NRF1: variants seen among roughly 807,000 people sequenced by gnomAD.
NRF1 encodes the protein nuclear respiratory factor 1.
A neutral mutation model predicts 58.5 loss-of-function variants in NRF1; 5 were observed. The ratio of observed to expected loss-of-function variants is 0.09; its 90% confidence interval spans 0.04 to 0.18. The LOEUF (loss-of-function observed/expected upper bound fraction) is 0.18, where lower values mean the gene tolerates loss of function less well. Ranked by LOEUF, NRF1 falls within the 10% of genes least tolerant of loss-of-function variation. The pLI is 1.00. For synonymous variants in NRF1, 224 were observed against 246.7 expected (o/e 0.91, Z 0.86); for missense variants, 288 against 657.7 (o/e 0.44, Z 6.15).
At chr7:129,662,567 T>C (rs1801810451) in intron 2 of NRF1, among the ~76,000 whole-genome samples, 1 of 152,136 alleles carries the variant, frequency 6.6e-6, no homozygotes, top group African/African-American at 2.4e-5. Context: ...TTGGCTCTTT[T>C]CTTGGTGTAC....
chr7:129,744,395 C>G (rs779641542), intron 10 of NRF1, among the ~76,000 whole-genome samples: 15 of 152,078 alleles, frequency 9.9e-5, no homozygotes, highest in Non-Finnish European at 2.1e-4. Flanking sequence ...CATTGATTAT[C>G]TGATTTTTCT....
At chr7:129,742,161 G>A (rs918352188) in intron 10 of NRF1, among the ~76,000 whole-genome samples, 2 of 151,246 alleles carry the variant, frequency 1.3e-5, no homozygotes, top group African/African-American at 2.4e-5. Context: ...TACTGGTTTT[G>A]CTTTGTCAGC....
chr7:129,691,020 C>T (rs1802554461), intron 5 of NRF1, among the ~76,000 whole-genome samples: 2 of 152,086 alleles, frequency 1.3e-5, no homozygotes, highest in East Asian at 3.9e-4. Context: ...TCTTCTGAGT[C>T]GTTGATTTCC....
At chr7:129,690,300 A>G in intron 4 of NRF1, 106 bp from the exon 5 acceptor site, 1 of 1,088,338 alleles carries the variant, frequency 9.2e-7, no homozygotes. Context: ...TTTTAAGGCT[A>G]TGCAATGGCT....
At chr7:129,687,618 AGAC>A (rs1415394235) in intron 4 of NRF1, among the ~76,000 whole-genome samples, 1 of 152,198 alleles carries the variant, frequency 6.6e-6, no homozygotes, top group Non-Finnish European at 1.5e-5. Flanking sequence ...GGAAGGTAGT[AGAC>A]AACAGCCAAG....
chr7:129,611,780 C>A lies in NRF1; in HGVS notation c.-51C>A. 2 of 272,228 alleles carry A rather than the reference C, an allele frequency of 7.3e-6. No homozygotes were observed. The highest frequency in any genetic ancestry group is 3.1e-4 in the South Asian group (2 of 6,432). The allele number at this position is 272,228 out of a possible 1,614,324, so 16.9% of individuals were successfully genotyped here. A position where few individuals can be genotyped will look rare whatever the true frequency, so the allele number is the denominator to read the frequency against. On this transcript the variant is annotated 5_prime_UTR_variant, in exon 1 of 11. Transcript: ENST00000393232. Reference sequence around the variant, plus strand: ...GGAGGCTGCGAGGAGCCGGCGCGGTCGCAGTCTCCACGGCGCAGGCCCACG... The same window carrying A: ...GGAGGCTGCGAGGAGCCGGCGCGGTAGCAGTCTCCACGGCGCAGGCCCACG...
chr7:129,617,679 T>G, intron 1 of NRF1, among the ~76,000 whole-genome samples: 1 of 152,098 alleles, frequency 6.6e-6, no homozygotes, highest in African/African-American at 2.4e-5. Context: ...AGAACCAAAA[T>G]AGAGCAAACA....
At chr7:129,619,741 T>G (rs1410997552) in intron 1 of NRF1, among the ~76,000 whole-genome samples, 2 of 149,270 alleles carry the variant, frequency 1.3e-5, no homozygotes, top group South Asian at 2.1e-4. Context: ...GGGTTGTTTT[T>G]TTTTTTTTTT....
intron 5 of NRF1, among the ~76,000 whole-genome samples, chr7:129,703,166 C>A (rs1039844729): frequency 1.2e-4 from 18 of 151,832 alleles, no homozygotes; most frequent in African/African-American, 4.4e-4. Flanking sequence ...GCTGATTGTC[C>A]CGGGAAGTGG....
intron 1 of NRF1, among the ~76,000 whole-genome samples, chr7:129,624,140 A>G (rs970846687): frequency 2.6e-5 from 4 of 152,126 alleles, no homozygotes; most frequent in Non-Finnish European, 4.4e-5. Flanking sequence ...GTGGATTTTG[A>G]TTCACCCCCA....
chr7:129,712,144 T>TC (rs1803087530), intron 8 of NRF1, among the ~76,000 whole-genome samples: 2 of 151,974 alleles, frequency 1.3e-5, no homozygotes, highest in African/African-American at 4.8e-5. Context: ...AAAGTTCTGT[T>TC]ATCTTCACTT....
chr7:129,728,588 G>T (rs1375249780), intron 10 of NRF1, among the ~76,000 whole-genome samples: 2 of 152,054 alleles, frequency 1.3e-5, no homozygotes, highest in East Asian at 3.9e-4. Flanking sequence ...AAAGTACCTG[G>T]CACTTTGTTT....
chr7:129,636,837 T>A (rs1367433104), intron 1 of NRF1, among the ~76,000 whole-genome samples: 2 of 152,226 alleles, frequency 1.3e-5, no homozygotes, highest in African/African-American at 4.8e-5. Flanking sequence ...CCAGGGTGTT[T>A]GGAGTGCTTG....
At chr7:129,651,319 C>A (rs1384248100) in intron 1 of NRF1, among the ~76,000 whole-genome samples, 1 of 151,468 alleles carries the variant, frequency 6.6e-6, no homozygotes, top group African/African-American at 2.4e-5. Context: ...ACTTGGGAGG[C>A]TGAGGCACGA....
At chr7:129,620,798 A>G (rs934875588) in intron 1 of NRF1, among the ~76,000 whole-genome samples, 1 of 152,234 alleles carries the variant, frequency 6.6e-6, no homozygotes, top group African/African-American at 2.4e-5. Flanking sequence ...GAAAAAATTC[A>G]TTTTTAAGTT....
chr7:129,629,432 C>T (rs112511960), intron 1 of NRF1, among the ~76,000 whole-genome samples: 8 of 152,290 alleles, frequency 5.3e-5, no homozygotes, highest in Non-Finnish European at 8.8e-5. Context: ...TGCCACCACA[C>T]GCCTGGCTGA....
intron 9 of NRF1, among the ~76,000 whole-genome samples, chr7:129,723,122 CT>C (rs946064250): frequency 4.6e-5 from 7 of 151,382 alleles, no homozygotes; most frequent in African/African-American, 1.7e-4. Context: ...GTATCTTTTT[CT>C]TTTTTTTTCT....
chr7:129,671,306 A>G, intron 2 of NRF1, 123 bp from the exon 3 acceptor site: 1 of 603,476 alleles, frequency 1.7e-6, no homozygotes, highest in Non-Finnish European at 3.0e-6. Context: ...TATCAGGATC[A>G]TTCTTTATTT....
chr7:129,616,858 TGGTG>T (rs1042650560), intron 1 of NRF1, among the ~76,000 whole-genome samples: 8 of 152,058 alleles, frequency 5.3e-5, no homozygotes, highest in African/African-American at 1.9e-4. Flanking sequence ...GAGGGAGTGT[TGGTG>T]GGGAGAAGAG....
Sources: allele counts gnomAD v4.1 joint callset (sites outside exome capture counted in the v4.1 genomes callset), GRCh38; gene constraint gnomAD v4.1.1; transcripts MANE v1.5; gene names NCBI Gene and HGNC (gene_info 2026-07-23, HGNC 2026-07-21).